Variants in SYT2 observed in about 807,000 individuals in gnomAD.
The protein encoded by SYT2 is synaptotagmin 2.
A neutral mutation model predicts 39.9 loss-of-function variants in SYT2; 15 were observed. The observed-to-expected ratio is 0.38, with a 90% CI of 0.25 to 0.58. The LOEUF is 0.58. SYT2 is among the 20% of genes least tolerant of loss of function. The pLI, the probability that SYT2 is intolerant of heterozygous loss-of-function variation, is 0.70. For synonymous variants in SYT2, 181 were observed against 204.5 expected (o/e 0.89, Z 0.98); for missense variants, 389 against 530.3 (o/e 0.73, Z 2.62).
intron 1 of SYT2, among the ~76,000 whole-genome samples, chr1:202,625,118 ATGTGTGTC>A (rs1691350369): frequency 5.6e-4 from 1 of 1,792 alleles, no homozygotes; most frequent in Non-Finnish European, 1.5e-3. Context: ...TGTGTGTGGT[ATGTGTGTC>A]GTGTGTGTGG....
Position 202,594,400 on chromosome 1 carries a change from G to C in SYT2, c.*2357C>G, listed in dbSNP as rs983564848. Reference sequence around the variant, plus strand: ...AGGTGGTAGAAGATGAATTGGGAAAGGGCAAAGGAGTAAAGGTAGAGGGGA... The same window carrying C: ...AGGTGGTAGAAGATGAATTGGGAAACGGCAAAGGAGTAAAGGTAGAGGGGA... On this transcript the variant is annotated 3_prime_UTR_variant, in exon 9 of 9. Coordinates refer to ENST00000367268, the MANE Select transcript of SYT2 (RefSeq NM_177402.5). 2 of 152,248 alleles carry C rather than the reference G, an allele frequency of 1.3e-5. No individual in the cohort carries two copies. The highest frequency in any genetic ancestry group is 2.9e-5 in the Non-Finnish European group (2 of 68,098). 9.4% of individuals were successfully genotyped at this position (152,248 alleles called of 1,614,324 possible).
At chr1:202,692,170 C>A (rs1312229483) in intron 1 of SYT2, among the ~76,000 whole-genome samples, 2 of 152,048 alleles carry the variant, frequency 1.3e-5, no homozygotes, top group Admixed American at 6.5e-5. Context: ...GATCTGGTAC[C>A]CTGCTCTGAC....
At chr1:202,624,109 A>C (rs559528444) in intron 1 of SYT2, among the ~76,000 whole-genome samples, 1 of 152,114 alleles carries the variant, frequency 6.6e-6, no homozygotes, top group African/African-American at 2.4e-5. Flanking sequence ...AAAGCCTTTT[A>C]ATAGGAGTGC....
chr1:202,697,509 G>A (rs1484506864), intron 1 of SYT2, among the ~76,000 whole-genome samples: 5 of 152,242 alleles, frequency 3.3e-5, no homozygotes, highest in East Asian at 3.9e-4. Context: ...GACTTGCTGC[G>A]AACCTCACGC....
Position 202,671,527 on chromosome 1 carries a change from A to C in SYT2, c.-18+38731T>G, listed in dbSNP as rs114499975. Among the ~76,000 whole-genome samples the C allele has an allele frequency of 3.2e-3, 480 of 152,318 alleles. 3 individuals are homozygous for C. The highest frequency in any genetic ancestry group is 0.011 in the African/African-American group (460 of 41,568). On this transcript the variant is annotated intron_variant, in intron 1 of 8. Coordinates refer to ENST00000367268, the MANE Select transcript of SYT2 (RefSeq NM_177402.5). ...GGCCCAAATCTAGAAGACAACAAAA[A>C]CCCAGAGCTGGAAGTCGCTTTTGCC...
At chr1:202,607,530 C>T (rs1230699001) in intron 1 of SYT2, among the ~76,000 whole-genome samples, 1 of 152,200 alleles carries the variant, frequency 6.6e-6, no homozygotes, top group African/African-American at 2.4e-5. Context: ...ATTTTAGGAG[C>T]TCTTAAGTTC....
chr1:202,624,662 AGTG>A (rs548374568), intron 1 of SYT2, among the ~76,000 whole-genome samples: 43 of 64,960 alleles, frequency 6.6e-4, no homozygotes, highest in African/African-American at 2.3e-3. Context: ...GGTGTGTAGT[AGTG>A]TGTGTGTGGT....
chr1:202,636,679 C>T (rs879387676), intron 1 of SYT2, among the ~76,000 whole-genome samples: 33 of 152,182 alleles, frequency 2.2e-4, no homozygotes, highest in Admixed American at 8.5e-4. Context: ...ATCTACAAAA[C>T]GTCAGTTTTC....
chr1:202,691,719 GAGGGAGAGGGGGGGAGAGAGAGAGA>G (rs1653829533), intron 1 of SYT2, among the ~76,000 whole-genome samples: 6 of 43,276 alleles, frequency 1.4e-4, no homozygotes, highest in Admixed American at 2.4e-4. Flanking sequence ...GGGAGAGGGA[GAGGGAGAGGGGGGGAGAGAGAGAGA>G]GAGAGAGAGA....
chr1:202,680,029 C>T (rs1053702087), intron 1 of SYT2, among the ~76,000 whole-genome samples: 26 of 152,230 alleles, frequency 1.7e-4, no homozygotes, highest in Admixed American at 6.5e-4. Flanking sequence ...CCAGTGTTCC[C>T]TCCTTCTGAA....
chr1:202,662,669 G>A (rs750678368), intron 1 of SYT2, among the ~76,000 whole-genome samples: 6 of 152,170 alleles, frequency 3.9e-5, no homozygotes, highest in Admixed American at 2.6e-4. Flanking sequence ...ATTAAGAGAC[G>A]CTGTGTGTTA....
intron 1 of SYT2, among the ~76,000 whole-genome samples, chr1:202,618,530 A>G (rs1383740274): frequency 6.6e-6 from 1 of 152,152 alleles, no homozygotes; most frequent in Non-Finnish European, 1.5e-5. Context: ...CTGGGACCAT[A>G]GAGAGTCAGA....
chr1:202,608,530 G>A (rs934942133), intron 1 of SYT2, among the ~76,000 whole-genome samples: 1 of 152,076 alleles, frequency 6.6e-6, no homozygotes, highest in African/African-American at 2.4e-5. Flanking sequence ...TCCCACTTCA[G>A]CCTCCAAAAT....
intron 1 of SYT2, among the ~76,000 whole-genome samples, chr1:202,705,930 C>T (rs749634012): frequency 6.6e-6 from 1 of 152,064 alleles, no homozygotes; most frequent in South Asian, 2.1e-4. Context: ...TGGGCTCAAG[C>T]GATCCTTCTA....
At chr1:202,621,970 C>T (rs531824274) in intron 1 of SYT2, among the ~76,000 whole-genome samples, 2 of 152,206 alleles carry the variant, frequency 1.3e-5, no homozygotes, top group African/African-American at 4.8e-5. Flanking sequence ...TCAACTGCCA[C>T]CCCAAACCAA....
At chr1:202,705,071 C>T (rs891622309) in intron 1 of SYT2, among the ~76,000 whole-genome samples, 2 of 152,266 alleles carry the variant, frequency 1.3e-5, no homozygotes, top group African/African-American at 4.8e-5. Context: ...CCTGTATTCT[C>T]GGGCTCCATT....
chr1:202,649,637 C>G (rs1692155919), intron 1 of SYT2, among the ~76,000 whole-genome samples: 2 of 152,210 alleles, frequency 1.3e-5, no homozygotes, highest in Non-Finnish European at 2.9e-5. Context: ...ACTCCAAACC[C>G]CTGTGCCATA....
chr1:202,694,295 T>C (rs922772415), intron 1 of SYT2, among the ~76,000 whole-genome samples: 5 of 152,228 alleles, frequency 3.3e-5, no homozygotes, highest in Admixed American at 6.5e-5. Flanking sequence ...CAGACTGGCA[T>C]TCCTGCTGAA....
At chr1:202,630,706 A>G (rs1691560605) in intron 1 of SYT2, among the ~76,000 whole-genome samples, 1 of 152,178 alleles carries the variant, frequency 6.6e-6, no homozygotes, top group Non-Finnish European at 1.5e-5. Context: ...CTCTCCTCAG[A>G]GCCTGACCTA....
Sources: allele counts gnomAD v4.1 joint callset (sites outside exome capture counted in the v4.1 genomes callset), GRCh38; gene constraint gnomAD v4.1.1; transcripts MANE v1.5; gene names NCBI Gene and HGNC (gene_info 2026-07-23, HGNC 2026-07-21).